TTN: variants seen among roughly 807,000 people sequenced by gnomAD.
TTN encodes the protein connectin.
TTN carries 1,525 observed loss-of-function variants against 3,223.0 expected under a neutral mutation model. The ratio of observed to expected loss-of-function variants is 0.47; its 90% confidence interval spans 0.45 to 0.49. The LOEUF is 0.49. Among genes scored for constraint, TTN ranks in the 20% least tolerant of loss-of-function variants. The probability of loss-of-function intolerance (pLI) is 0.00; values close to 1 mark genes in which losing one functional copy is unlikely to be tolerated. For missense variants in TTN, 40,786 were observed against 43,424.0 expected (o/e 0.94, Z 5.40); for synonymous variants, 14,094 against 15,161.0 (o/e 0.93, Z 5.17).
In TTN at chr2:178,567,524, A is replaced by G. The variant is rs766839297; in HGVS notation, c.78608T>C (p.Ile26203Thr). ...GAATGTTTCTCCAGCATTTACCACA[A>G]TTGTGTCTCTGAATTTTGGATCCAT... ...ISMDPKFRDTIVVNAGETFRL... is the reference protein window; with the variant it reads ...ISMDPKFRDTTVVNAGETFRL... The change falls in exon 326 of 363, where the codon ATT (isoleucine) becomes ACT (threonine). Residue 26203 changes from isoleucine to threonine, a missense_variant. Ile to Thr is a moderately conservative substitution (Grantham distance 89). Transcript: ENST00000589042. 6.2e-7 allele frequency: 1 copy of G among 1,612,046 alleles called. No individual in the cohort carries two copies. The highest frequency in any genetic ancestry group is 1.1e-5 in the South Asian group (1 of 90,654).
chr2:178,590,639 T>G lies in TTN; in HGVS notation c.61086A>C (p.Pro20362=). 6.2e-7 allele frequency: 1 copy of G among 1,613,184 alleles called. No homozygotes were observed. The highest frequency in any genetic ancestry group is 1.1e-5 in the South Asian group (1 of 91,022). ...GTTTGATGGGCCGGCAAGCTTTTAT[T>G]GGATCAGAACTTGGGGATGGTTTGC... ...GLSKPSPSSD[P]IKACRPIKPP... is the part of the protein sequence containing the mutation. Residue 20362 remains proline, a synonymous_variant, in exon 304 of 363, where the codon CCA becomes CCC. Coordinates refer to ENST00000589042, the MANE Select transcript of TTN (RefSeq NM_001267550.2).
rs1210762968 is a variant in TTN at position 178,733,344 on chromosome 2, G to C, written c.15949C>G (p.Gln5317Glu). Residue 5317 changes from glutamine to glutamate, a missense_variant, in exon 54 of 363, where the codon CAG becomes GAG. Gln to Glu is a conservative substitution (Grantham distance 29). Coordinates refer to ENST00000589042, the MANE Select transcript of TTN (RefSeq NM_001267550.2). ...YRISFKNNVAQLKFYSAELHD... is the reference protein window; with the variant it reads ...YRISFKNNVAELKFYSAELHD... ...AGCTCAGCTGAATAAAATTTGAGCT[G>C]GGCAACATTGTTTTTAAAACTTATT... 3.7e-6 allele frequency: 6 copies of C among 1,613,804 alleles called. No homozygotes were observed. Among genetic ancestry groups the C allele is most frequent in the Non-Finnish European group, 5.1e-6 (6 of 1,179,796 alleles).
chr2:178,704,821 T>A, intron 104 of TTN, 44 bp from the exon 105 acceptor site: 2 of 1,608,704 alleles, frequency 1.2e-6, no homozygotes, highest in Non-Finnish European at 1.7e-6. Context: ...CTCCTTCCCT[T>A]ATAATAATAC....
At chr2:178,708,494 A>G (rs1553884689) in intron 99 of TTN, among the ~76,000 whole-genome samples, 1 of 152,198 alleles carries the variant, frequency 6.6e-6, no homozygotes, top group Admixed American at 6.5e-5. Context: ...CTGTACCTAG[A>G]AAGAATAAGG....
chr2:178,799,649 T>G lies in TTN; in HGVS notation c.752A>C (p.His251Pro), dbSNP rs587782983. 6.2e-7 allele frequency: 1 copy of G among 1,614,152 alleles called. No individual in the cohort carries two copies. The highest frequency in any genetic ancestry group is 1.3e-5 in the African/African-American group (1 of 75,036). The change falls in exon 6 of 363, where the codon CAT becomes CCT. Residue 251 changes from histidine to proline, a missense_variant. Physicochemically the swap from His to Pro is moderately conservative, Grantham distance 77. Transcript: ENST00000589042. ...IDGAAGQQLPHKTPPRIPPKP... is the reference protein window; with the variant it reads ...IDGAAGQQLPPKTPPRIPPKP... ...CGGAGGAATCCTGGGAGGTGTTTTATGTGGCAGCTGTTGCCCAGCGGCACC... is the reference window on the plus strand; with the variant it reads ...CGGAGGAATCCTGGGAGGTGTTTTAGGTGGCAGCTGTTGCCCAGCGGCACC...
Position 178,532,266 on chromosome 2 carries a change from G to A in TTN, c.104349C>T (p.Leu34783=), listed in dbSNP as rs748899419. The A allele has an allele frequency of 2.5e-6, 4 of 1,613,690 alleles. No homozygotes were observed. Among genetic ancestry groups the A allele is most frequent in the East Asian group, 2.2e-5 (1 of 44,880 alleles). ...LLRPVTTTQH[L]SEYKSELDFM... ...AGTCAAGTTCGCTTTTGTATTCTGAGAGATGCTGGGTGGTCGTAACTGGGC... is the reference window on the plus strand; with the variant it reads ...AGTCAAGTTCGCTTTTGTATTCTGAAAGATGCTGGGTGGTCGTAACTGGGC... The change falls in exon 358 of 363, where the codon CTC becomes CTT. Residue 34783 remains leucine, a synonymous_variant. Coordinates refer to ENST00000589042, the MANE Select transcript of TTN (RefSeq NM_001267550.2).
chr2:178,537,354 C>A lies in TTN; in HGVS notation c.99853G>T (p.Val33285Leu). ...AAAAATAAAATACCTTGTATTTCCACATCAAGGATGGCATCAACTGTTCCA... is the reference window on the plus strand; with the variant it reads ...AAAAATAAAATACCTTGTATTTCCAAATCAAGGATGGCATCAACTGTTCCA... ...VFGTVDAILD[V>L]EIQDKPDKPT... The change falls in exon 355 of 363, where the codon GTG becomes TTG. Residue 33285 changes from valine to leucine, a missense_variant. Physicochemically the swap from Val to Leu is conservative, Grantham distance 32 (BLOSUM62 1). Coordinates refer to ENST00000589042, the MANE Select transcript of TTN (RefSeq NM_001267550.2). 1 of 1,556,816 alleles carries A rather than the reference C, an allele frequency of 6.4e-7. No individual in the cohort carries two copies. Among genetic ancestry groups the A allele is most frequent in the Non-Finnish European group, 8.7e-7 (1 of 1,153,228 alleles).
At chr2:178,678,370 G>A in intron 144 of TTN, 44 bp downstream of exon 144, 1 of 1,534,382 alleles carries the variant, frequency 6.5e-7, no homozygotes, top group East Asian at 2.4e-5. Context: ...ATACATAGAT[G>A]TGAGTTTTTT....
chr2:178,530,697 C>G lies in TTN; in HGVS notation c.105918G>C (p.Val35306=). 6.2e-7 allele frequency: 1 copy of G among 1,613,946 alleles called. No individual in the cohort carries two copies. The highest frequency in any genetic ancestry group is 8.5e-7 in the Non-Finnish European group (1 of 1,179,878). ...ASKEIAKLTC[V]VESSVLRAKE... ...TTGCCCTTAATACACTGCTTTCAAC[C>G]ACACAGGTCAGTTTTGCAATCTCTT... Residue 35306 remains valine, a synonymous_variant, in exon 358 of 363, where the codon GTG becomes GTC. Transcript: ENST00000589042.
intron 127 of TTN, among the ~76,000 whole-genome samples, chr2:178,687,159 G>A: frequency 6.6e-6 from 1 of 152,216 alleles, no homozygotes; most frequent in East Asian, 1.9e-4. Flanking sequence ...GATAAAAACA[G>A]ATACTTGGGA....
At chr2:178,726,533 C>CA (rs3045700) in intron 69 of TTN, 4,077 of 133,298 alleles carry the variant, frequency 0.031, 165 homozygotes, top group African/African-American at 0.099. Flanking sequence ...GCCTTTGTGA[C>CA]AAAAAAAAAA....
At position 178,611,465 on chromosome 2, in the gene TTN, T is replaced by G; in HGVS notation, c.50764A>C (p.Lys16922Gln). The G allele has an allele frequency of 1.9e-6, 3 of 1,612,974 alleles. No homozygotes were observed. The highest frequency in any genetic ancestry group is 2.5e-6 in the Non-Finnish European group (3 of 1,179,324). Residue 16922 changes from lysine (K) to glutamine (Q), a missense_variant, in exon 269 of 363, where the codon AAA (lysine) becomes CAA (glutamine). Lys to Gln is a moderately conservative substitution (Grantham distance 53). Coordinates refer to ENST00000589042, the MANE Select transcript of TTN (RefSeq NM_001267550.2). Reference sequence around the variant, plus strand: ...GCTCTCACTCTCAGGACATATTCTTTGTCAGGAACAACACCTTCTTCAACC... The same window carrying G: ...GCTCTCACTCTCAGGACATATTCTTGGTCAGGAACAACACCTTCTTCAACC... Reference protein sequence around the residue: ...FKVEEGVVPDKEYVLRVRAVN... With the variant: ...FKVEEGVVPDQEYVLRVRAVN...
chr2:178,577,875 T>C lies in TTN; in HGVS notation c.68551A>G (p.Ile22851Val). 1 of 1,587,328 alleles carries C rather than the reference T, an allele frequency of 6.3e-7. No homozygotes were observed. The change falls in exon 323 of 363, where the codon ATT becomes GTT. Residue 22851 changes from isoleucine (I) to valine (V), a missense_variant. By Grantham distance (29) the Ile-to-Val change is conservative. Coordinates refer to ENST00000589042, the MANE Select transcript of TTN (RefSeq NM_001267550.2). Reference protein sequence around the residue: ...PIDPPGKPEVINITRNSVTLI... With the variant: ...PIDPPGKPEVVNITRNSVTLI... Reference sequence around the variant, plus strand: ...GTCACTGAATTCCTTGTTATGTTAATAACCTCAGGTTTTCCAGGAGGATCT... The same window carrying C: ...GTCACTGAATTCCTTGTTATGTTAACAACCTCAGGTTTTCCAGGAGGATCT...
chr2:178,630,576 C>T (rs2059680048), intron 238 of TTN, among the ~76,000 whole-genome samples: 1 of 152,030 alleles, frequency 6.6e-6, no homozygotes. Context: ...AGCCAACTAG[C>T]AGCATCACAG....
chr2:178,751,847 C>A (rs535077468), intron 47 of TTN: 1 of 1,611,274 alleles, frequency 6.2e-7, no homozygotes, highest in South Asian at 1.1e-5. Flanking sequence ...AACCGGTTCA[C>A]CCTCTAAAAC....
rs1160479149 is a variant in TTN, at chr2:178,583,760, T to G, written c.65422A>C (p.Asn21808His). The change falls in exon 312 of 363, where the codon AAT (asparagine) becomes CAT (histidine). Residue 21808 changes from asparagine to histidine, a missense_variant. Asn to His is a moderately conservative substitution (Grantham distance 68). Coordinates refer to ENST00000589042, the MANE Select transcript of TTN (RefSeq NM_001267550.2). ...TGGGGAATCTGGTGAGGTGCAGTATTGCACCGTACCCATTTATCACCAGGA... is the reference window on the plus strand; with the variant it reads ...TGGGGAATCTGGTGAGGTGCAGTATGGCACCGTACCCATTTATCACCAGGA... ...KLPGDKWVRC[N>H]TAPHQIPQEE... The G allele has an allele frequency of 6.2e-7, 1 of 1,611,862 alleles. No individual in the cohort carries two copies. Among genetic ancestry groups the G allele is most frequent in the Admixed American group, 1.7e-5 (1 of 59,862 alleles).
In TTN at chr2:178,542,681, G is replaced by C. The variant is rs1695176905; in HGVS notation, c.97173C>G (p.Thr32391=). 1 of 1,613,246 alleles carries C rather than the reference G, an allele frequency of 6.2e-7. No individual in the cohort carries two copies. Among genetic ancestry groups the C allele is most frequent in the African/African-American group, 1.3e-5 (1 of 75,004 alleles). The change falls in exon 348 of 363, where the codon ACC becomes ACG. Residue 32391 remains threonine, a synonymous_variant. Transcript: ENST00000589042. ...CCTTACCAAGAATGATAACTTTAAT[G>C]GTTTCTGAAGTAGTTCCGGTAACAT... is the stretch of plus-strand genomic sequence containing the variant. ...LKNVTGTTSE[T]IKVIILDKPG...
chr2:178,640,960 T>G (rs934183629), intron 220 of TTN, among the ~76,000 whole-genome samples: 2 of 151,884 alleles, frequency 1.3e-5, no homozygotes, highest in Non-Finnish European at 2.9e-5. Flanking sequence ...GCTGACACCC[T>G]CCCATGAATA....
At position 178,701,127 on chromosome 2, in the gene TTN, A is replaced by G. The variant is rs898902393; in HGVS notation, c.30675T>C (p.Arg10225=). ...GTAGATGAGGTATAATACCTTCAAT[A>G]CGTTTTGGTGGTGGTTTCTTTTCTT... The part of the protein sequence containing the change: ...TPEEKKPPPK[R]IEVTKKAVKK... The change falls in exon 111 of 363, where the codon CGT becomes CGC. Residue 10225 remains arginine (R), a synonymous_variant. Transcript: ENST00000589042. 6.2e-6 allele frequency: 10 copies of G among 1,613,676 alleles called. No individual in the cohort carries two copies. The highest frequency in any genetic ancestry group is 8.5e-6 in the Non-Finnish European group (10 of 1,179,658).
Sources: gnomAD v4.1 joint callset for allele counts (sites outside exome capture counted in the v4.1 genomes callset) on GRCh38, gnomAD v4.1.1 for gene constraint, MANE v1.5 for transcripts, NCBI Gene and HGNC (gene_info 2026-07-23, HGNC 2026-07-21) for gene names.